GGA1: variants seen among roughly 807,000 people sequenced by gnomAD.
The protein encoded by GGA1 is ADP-ribosylation factor-binding protein GGA1.
A neutral mutation model predicts 76.9 loss-of-function variants in GGA1; 18 were observed. That is an observed-to-expected ratio of 0.23 (90% CI 0.16 to 0.35). GGA1 has a LOEUF of 0.35. Ranked by LOEUF, GGA1 falls within the 10% of genes least tolerant of loss-of-function variation. The pLI is 1.00. For missense variants in GGA1, 755 were observed against 859.0 expected (o/e 0.88, Z 1.51); for synonymous variants, 342 against 354.7 (o/e 0.96, Z 0.40).
Position 37,632,881 on chromosome 22 carries a change from C to T in GGA1, c.*170C>T, listed in dbSNP as rs1601569921. On this transcript the variant is annotated 3_prime_UTR_variant, in exon 17 of 17. Transcript: ENST00000343632. This position sits in a 1 kb window ranked among gnomAD's most constrained non-coding sequence, Gnocchi z 5.1. ...CAAGTGACTCTTCCCCCTCCTGCTCCGGCCCCGCCCCTGCTGAGCCAAACC... is the reference window on the plus strand; with the variant it reads ...CAAGTGACTCTTCCCCCTCCTGCTCTGGCCCCGCCCCTGCTGAGCCAAACC... The T allele has an allele frequency of 1.3e-5, 8 of 595,324 alleles. No homozygotes were observed. In the South Asian group the frequency reaches 1.6e-4, roughly 12 times the overall value. The allele number at this position is 595,324 out of a possible 1,614,324, so 36.9% of individuals were successfully genotyped here. A position where few individuals can be genotyped will look rare whatever the true frequency, so the allele number is the denominator to read the frequency against.
Position 37,632,610 on chromosome 22 carries a change from C to T in GGA1, c.1819C>T (p.Arg607Cys), listed in dbSNP as rs752480500. The T allele has an allele frequency of 1.2e-6, 2 of 1,611,422 alleles. No homozygotes were observed. The highest frequency in any genetic ancestry group is 1.7e-5 in the Admixed American group (1 of 60,008). Residue 607 changes from arginine (R) to cysteine (C), a missense_variant, in exon 17 of 17, where the codon CGC becomes TGC. Arg to Cys is a radical substitution (Grantham distance 180, BLOSUM62 -3). Coordinates refer to ENST00000343632, the MANE Select transcript of GGA1 (RefSeq NM_013365.5). The surrounding 1 kb of genome is among the most constrained non-coding windows in gnomAD (Gnocchi z 5.1). Reference sequence around the variant, plus strand: ...GCCATCTCTTCCCCAGGAGAAGGTTCGCCTCCGCTACAAGCTCACCTTCAC... The same window carrying T: ...GCCATCTCTTCCCCAGGAGAAGGTTTGCCTCCGCTACAAGCTCACCTTCAC... ...LLANPQKEKVRLRYKLTFTMG... is the reference protein window; with the variant it reads ...LLANPQKEKVCLRYKLTFTMG...
chr22:37,630,599 C>A, intron 13 of GGA1: 1 of 470,994 alleles, frequency 2.1e-6, no homozygotes, highest in East Asian at 4.3e-5. Context: ...GGGAGTCTCA[C>A]CCTGTCACCC....
intron 14 of GGA1, among the ~76,000 whole-genome samples, 188 bp from the exon 15 acceptor site, chr22:37,631,808 C>T (rs1230191385): frequency 1.3e-5 from 2 of 152,176 alleles, no homozygotes; most frequent in African/African-American, 4.8e-5. Context: ...GTTCACCTGC[C>T]CTCTCTGGGC....
intron 7 of GGA1, among the ~76,000 whole-genome samples, chr22:37,622,957 A>C (rs1021872316): frequency 1.3e-5 from 2 of 152,186 alleles, no homozygotes; most frequent in Admixed American, 6.5e-5. Context: ...TGCACTATGA[A>C]GTACAGGAAC....
intron 6 of GGA1, 150 bp downstream of exon 6, chr22:37,621,063 C>T: frequency 6.2e-6 from 4 of 646,614 alleles, no homozygotes; most frequent in Non-Finnish European, 1.1e-5. Flanking sequence ...GTTTACTGGG[C>T]ATTTAATATG....
intron 3 of GGA1, chr22:37,617,445 G>A (rs1186647220): frequency 2.0e-6 from 2 of 1,023,172 alleles, no homozygotes; most frequent in Non-Finnish European, 2.3e-6. Context: ...AGAGAGGGGT[G>A]TACTGTCTGT....
At chr22:37,622,923 A>G (rs1930155544) in intron 7 of GGA1, among the ~76,000 whole-genome samples, 1 of 152,206 alleles carries the variant, frequency 6.6e-6, no homozygotes, top group African/African-American at 2.4e-5. Flanking sequence ...TCCAGGCTGT[A>G]CCTGGTGACC....
intron 13 of GGA1, 59 bp downstream of exon 13, chr22:37,630,229 C>G: frequency 7.8e-7 from 1 of 1,286,558 alleles, no homozygotes; most frequent in South Asian, 1.4e-5. Flanking sequence ...CACAAACCAG[C>G]AACTTCTCCT....
intron 5 of GGA1, 46 bp downstream of exon 5, chr22:37,620,407 T>TC (rs771227422): frequency 1.2e-6 from 2 of 1,605,192 alleles, no homozygotes; most frequent in Non-Finnish European, 1.7e-6. Flanking sequence ...TGCCTTCCCC[T>TC]CCCCCACCAT....
chr22:37,616,179 TAA>T (rs1191381741), intron 2 of GGA1, among the ~76,000 whole-genome samples: 1 of 152,194 alleles, frequency 6.6e-6, no homozygotes, highest in Non-Finnish European at 1.5e-5. Flanking sequence ...CAGGCGATAC[TAA>T]AGTTTCGGGA....
At chr22:37,614,022 C>A (rs941650559) in intron 1 of GGA1, 168 bp from the exon 2 acceptor site, 13 of 614,876 alleles carry the variant, frequency 2.1e-5, no homozygotes, top group South Asian at 1.2e-4. Context: ...TCTGTCTACA[C>A]CCACAATCAG....
chr22:37,630,614 T>G, intron 13 of GGA1: 1 of 491,846 alleles, frequency 2.0e-6, no homozygotes, highest in Non-Finnish European at 3.6e-6. Context: ...TCACCCAGGC[T>G]GGAGTACAGT....
chr22:37,618,569 C>T, intron 4 of GGA1, 23 bp downstream of exon 4: 1 of 1,405,690 alleles, frequency 7.1e-7, no homozygotes, highest in Non-Finnish European at 1.0e-6. Context: ...AGCCCAAGCT[C>T]AGACCTGCCC....
Position 37,609,073 on chromosome 22 carries a change from C to T in GGA1, c.43+170C>T, listed in dbSNP as rs999914000. 1.0e-5 allele frequency: 15 copies of T among 1,489,844 alleles called. No homozygotes were observed. The East Asian group carries it at 3.6e-4, about 36-fold the overall frequency. 92.3% of individuals were successfully genotyped at this position (1,489,844 alleles called of 1,614,324 possible). A position where few individuals can be genotyped will look rare whatever the true frequency, so the allele number is the denominator to read the frequency against. On this transcript the variant is annotated intron_variant, in intron 1 of 16. Transcript: ENST00000343632. ...CCTCAGACCCTGGAGCGATGGAGGACCCCGGCCCCGGCGCGGTCCAGCGGT... is the reference window on the plus strand; with the variant it reads ...CCTCAGACCCTGGAGCGATGGAGGATCCCGGCCCCGGCGCGGTCCAGCGGT...
intron 3 of GGA1, chr22:37,618,075 T>C (rs1241701330): frequency 6.3e-6 from 1 of 158,670 alleles, no homozygotes; most frequent in African/African-American, 2.5e-5. Context: ...TGAGCCGAGA[T>C]CGTGCTACTG....
At chr22:37,630,632 TCTCGG>T (rs900553766) in intron 13 of GGA1, 9 of 516,734 alleles carry the variant, frequency 1.7e-5, no homozygotes, top group Non-Finnish European at 3.0e-5. Flanking sequence ...AGTGGCATGA[TCTCGG>T]CTCACTGCAA....
chr22:37,632,149 A>G lies in GGA1; in HGVS notation c.1682A>G (p.Gln561Arg), dbSNP rs377276769. 3.7e-6 allele frequency: 6 copies of G among 1,612,198 alleles called. No individual in the cohort carries two copies. Among genetic ancestry groups the G allele is most frequent in the South Asian group, 2.2e-5 (2 of 91,028 alleles). ...APQPIRNIVF[Q>R]SAVPKVMKVK... ...CAGCCCATCCGCAACATCGTGTTCC[A>G]GTCAGCTGTCCCCAAGGTGACAAGC... is the stretch of plus-strand genomic sequence containing the variant. Residue 561 changes from glutamine (Q) to arginine (R), a missense_variant, in exon 15 of 17, where the codon CAG becomes CGG. Coordinates refer to ENST00000343632, the MANE Select transcript of GGA1 (RefSeq NM_013365.5). This position sits in a 1 kb window ranked among gnomAD's most constrained non-coding sequence, Gnocchi z 5.1.
At chr22:37,613,531 G>C (rs1013237310) in intron 1 of GGA1, among the ~76,000 whole-genome samples, 1 of 152,106 alleles carries the variant, frequency 6.6e-6, no homozygotes, top group African/African-American at 2.4e-5. Flanking sequence ...CTCCCAAGTA[G>C]CTGGGACTAC....
chr22:37,617,536 T>C (rs960990786), intron 3 of GGA1: 1 of 989,452 alleles, frequency 1.0e-6, no homozygotes, highest in Non-Finnish European at 1.2e-6. Context: ...GTTTCTCTTT[T>C]AATACTTACG....
Sources: gnomAD v4.1 joint callset for allele counts (sites outside exome capture counted in the v4.1 genomes callset) on GRCh38, gnomAD v4.1.1 for gene constraint, Gnocchi (gnomAD v3.1) non-coding constraint, MANE v1.5 for transcripts, NCBI Gene and HGNC (gene_info 2026-07-23, HGNC 2026-07-21) for gene names.